The following LMF1 variants were observed in gnomAD, a reference collection of about 807,000 sequenced individuals.
LMF1 encodes the protein transmembrane protein 112.
A neutral mutation model predicts 60.6 loss-of-function variants in LMF1; 68 were observed. That is an observed-to-expected ratio of 1.12 (90% confidence interval 0.92 to 1.37). The LOEUF (loss-of-function observed/expected upper bound fraction) is 1.37, where lower values mean the gene tolerates loss of function less well. Among genes scored for constraint, LMF1 ranks in the 40% most tolerant of loss-of-function variants. LMF1 has a pLI of 0.00. For synonymous variants in LMF1, 418 were observed against 324.7 expected (o/e 1.29, Z -3.09); for missense variants, 948 against 767.2 (o/e 1.24, Z -2.78).
At chr16:980,681 G>A (rs2073326168) in intron 1 of LMF1, 1 of 136,278 alleles carries the variant, frequency 7.3e-6, no homozygotes, top group African/African-American at 3.1e-5. Context: ...GGGACGGCCG[G>A]GCCGAGGCCA....
intron 3 of LMF1, among the ~76,000 whole-genome samples, chr16:918,351 C>T (rs558074847): frequency 1.8e-4 from 27 of 152,308 alleles, no homozygotes; most frequent in African/African-American, 5.8e-4. Context: ...GCAGGTGTCA[C>T]CAGCTCTTGG....
At chr16:877,394 G>C (rs117228393) in intron 6 of LMF1, among the ~76,000 whole-genome samples, 1 of 152,180 alleles carries the variant, frequency 6.6e-6, no homozygotes, top group Non-Finnish European at 1.5e-5. Flanking sequence ...CCCTGGCGGC[G>C]CAGGTGGCCT....
chr16:889,118 G>A (rs1269647931), intron 5 of LMF1, among the ~76,000 whole-genome samples: 2 of 152,212 alleles, frequency 1.3e-5, no homozygotes, highest in Non-Finnish European at 2.9e-5. Flanking sequence ...TTAGCTGCAG[G>A]GCACCCTGGT....
chr16:855,471 C>T (rs927485889), intron 10 of LMF1: 11 of 357,806 alleles, frequency 3.1e-5, no homozygotes, highest in Middle Eastern at 1.0e-3. Flanking sequence ...ACTGGACTCT[C>T]GGAGGACTGG....
intron 6 of LMF1, among the ~76,000 whole-genome samples, chr16:877,175 T>C (rs1490526468): frequency 1.3e-5 from 2 of 151,998 alleles, no homozygotes; most frequent in Non-Finnish European, 2.9e-5. Flanking sequence ...CTACAAAAAA[T>C]GAAAAATAGC....
chr16:976,810 A>T (rs1321100028), intron 1 of LMF1: 5 of 453,992 alleles, frequency 1.1e-5, no homozygotes, highest in African/African-American at 1.0e-4. Flanking sequence ...GCTGGTCTCC[A>T]CGCTTTGGGC....
At chr16:958,732 C>T (rs2072759247) in intron 1 of LMF1, among the ~76,000 whole-genome samples, 1 of 152,100 alleles carries the variant, frequency 6.6e-6, no homozygotes, top group African/African-American at 2.4e-5. Context: ...ACTAAAAATA[C>T]AAAAATTAGC....
upstream of LMF1, among the ~76,000 whole-genome samples, chr16:974,397 TGTC>T (rs2073097084): frequency 6.6e-6 from 1 of 152,064 alleles, no homozygotes; most frequent in African/African-American, 2.4e-5. Context: ...GAGAGTGCCC[TGTC>T]AAGCAAAAAC....
At chr16:857,362 T>C (rs2069219858) in intron 10 of LMF1, among the ~76,000 whole-genome samples, 1 of 152,244 alleles carries the variant, frequency 6.6e-6, no homozygotes, top group Non-Finnish European at 1.5e-5. Context: ...AGTGACTCGA[T>C]TTCTTGGTAT....
chr16:954,278 C>G, intron 2 of LMF1, 79 bp downstream of exon 2: 1 of 1,387,540 alleles, frequency 7.2e-7, no homozygotes, highest in East Asian at 2.4e-5. Flanking sequence ...CCAGTCTTTC[C>G]AAGTGCCAGG....
At position 911,105 on chromosome 16, in the gene LMF1, T is replaced by C. The variant is rs771850314; in HGVS notation, c.515-26A>G. Reference sequence around the variant, plus strand: ...CTAAAACAACGAGACATACCAAAGGTGAGTTAATGGAAGCCACACATTTCA... The same window carrying C: ...CTAAAACAACGAGACATACCAAAGGCGAGTTAATGGAAGCCACACATTTCA... On this transcript the variant is annotated intron_variant, in intron 3 of 10. Transcript: ENST00000262301. 2.5e-6 allele frequency: 4 copies of C among 1,603,636 alleles called. No individual in the cohort carries two copies. Among genetic ancestry groups the C allele is most frequent in the Non-Finnish European group, 3.4e-6 (4 of 1,175,574 alleles).
Position 857,790 on chromosome 16 carries a change from ATGGGTGTGC to A in LMF1, c.1530-3093_1530-3085del, listed in dbSNP as rs2069250705. ...GGACGGGTGTGCGTGGTGTCTCGGG[ATGGGTGTGC>A]GTGGTGTCTCGGGATGGGTGTGAGT... On this transcript the variant is annotated intron_variant, in intron 10 of 10. Transcript: ENST00000262301. Among the ~76,000 whole-genome samples the A allele has an allele frequency of 1.1e-4, 3 of 27,496 alleles. 1 individual carries two copies. Among genetic ancestry groups the A allele is most frequent in the Non-Finnish European group, 1.7e-4 (3 of 17,540 alleles). 18.0% of individuals were successfully genotyped at this position (27,496 alleles called of 152,430 possible). A position where few individuals can be genotyped will look rare whatever the true frequency, so the allele number is the denominator to read the frequency against.
chr16:866,026 T>G (rs923611754), intron 10 of LMF1, among the ~76,000 whole-genome samples: 3 of 152,266 alleles, frequency 2.0e-5, no homozygotes, highest in African/African-American at 7.2e-5. Flanking sequence ...ATCAGTTGTG[T>G]TCATAATTAC....
intron 1 of LMF1, among the ~76,000 whole-genome samples, chr16:963,265 T>C (rs964174104): frequency 6.6e-6 from 1 of 151,986 alleles, no homozygotes; most frequent in African/African-American, 2.4e-5. Flanking sequence ...GCTGACCTCC[T>C]AGCAACATAG....
In LMF1 at chr16:870,703, G is replaced by T. The variant is rs758564353; in HGVS notation, c.1232+26C>A. 1.1e-5 allele frequency: 18 copies of T among 1,611,462 alleles called. 1 individual carries two copies. The East Asian group carries it at 4.0e-4, about 36-fold the overall frequency. On this transcript the variant is annotated intron_variant, in intron 8 of 10. Transcript: ENST00000262301. ...TGAGTCTCCCCATATACCCAGCTCC[G>T]GGGGACGGGGACCCCAGGCTCATAC...
At chr16:922,428 G>A (rs1186125262) in intron 3 of LMF1, among the ~76,000 whole-genome samples, 2 of 152,246 alleles carry the variant, frequency 1.3e-5, no homozygotes, top group Non-Finnish European at 2.9e-5. Flanking sequence ...ACCTGAAGCA[G>A]GGAGACAGCA....
chr16:944,526 C>T (rs1419079816), intron 2 of LMF1, among the ~76,000 whole-genome samples: 1 of 152,232 alleles, frequency 6.6e-6, no homozygotes, highest in East Asian at 1.9e-4. Context: ...AAGGCCGGGG[C>T]CACCAAGGCC....
At chr16:914,643 C>T (rs1163712714) in intron 3 of LMF1, among the ~76,000 whole-genome samples, 4 of 152,124 alleles carry the variant, frequency 2.6e-5, no homozygotes, top group Admixed American at 6.5e-5. Flanking sequence ...CACACTCCCT[C>T]CCTCCTCATG....
chr16:864,001 C>G (rs2069542164), intron 10 of LMF1, among the ~76,000 whole-genome samples: 1 of 152,220 alleles, frequency 6.6e-6, no homozygotes, highest in Non-Finnish European at 1.5e-5. Flanking sequence ...TATGTTCTTG[C>G]TGAATTTCCA....
Sources: gnomAD v4.1 joint callset for allele counts (sites outside exome capture counted in the v4.1 genomes callset) on GRCh38, gnomAD v4.1.1 for gene constraint, MANE v1.5 for transcripts, NCBI Gene and HGNC (gene_info 2026-07-23, HGNC 2026-07-21) for gene names.